PPP6R1: variants seen among roughly 807,000 people sequenced by gnomAD.
The protein encoded by PPP6R1 is serine/threonine-protein phosphatase 6 regulatory subunit 1.
A neutral mutation model predicts 104.6 loss-of-function variants in PPP6R1; 39 were observed. The ratio of observed to expected loss-of-function variants is 0.37; its 90% CI spans 0.29 to 0.49. The LOEUF (loss-of-function observed/expected upper bound fraction) is 0.49. PPP6R1 is among the 20% of genes least tolerant of loss of function. The pLI is 0.98. For synonymous variants in PPP6R1, 549 were observed against 479.0 expected (o/e 1.15, Z -1.91); for missense variants, 1,181 against 1,155.8 (o/e 1.02, Z -0.32).
At chr19:55,247,151 G>C (rs1489299812) in intron 1 of PPP6R1, 42 bp from the exon 2 acceptor site, 1 of 1,586,572 alleles carries the variant, frequency 6.3e-7, no homozygotes. Flanking sequence ...AGACGCCCCA[G>C]GGAGTCCCCA....
rs536736138 is a variant in PPP6R1 at position 55,244,166 on chromosome 19, G to C, written c.618+954C>G. Among the ~76,000 whole-genome samples the C allele has an allele frequency of 5.8e-4, 89 of 152,284 alleles. No homozygotes were observed. In the East Asian group the frequency reaches 0.016, roughly 28 times the overall value. On this transcript the variant is annotated intron_variant, in intron 5 of 23. Coordinates refer to ENST00000412770, the MANE Select transcript of PPP6R1 (RefSeq NM_014931.4). The stretch of plus-strand genomic sequence containing the variant: ...AGTGTGGCCCTGGGCCATGCCTCAG[G>C]GTCCTCACAGGGACAGGCCCCAGCC...
chr19:55,248,513 A>G (rs2087528567), intron 1 of PPP6R1, among the ~76,000 whole-genome samples: 1 of 152,268 alleles, frequency 6.6e-6, no homozygotes. Flanking sequence ...AGCCGGCACA[A>G]GAGGCCAAGG....
In PPP6R1 at chr19:55,245,802, G is replaced by T; in HGVS notation, c.228-124C>A. On this transcript the variant is annotated intron_variant, in intron 2 of 23. Coordinates refer to ENST00000412770, the MANE Select transcript of PPP6R1 (RefSeq NM_014931.4). The surrounding 1 kb of genome is among the most constrained non-coding windows in gnomAD (Gnocchi z 6.4). ...TGGGAACTGCAGAGACCCCTGTCCAGGAAGGGGAAAGGGCAGAGGACAGGG... is the reference window on the plus strand; with the variant it reads ...TGGGAACTGCAGAGACCCCTGTCCATGAAGGGGAAAGGGCAGAGGACAGGG... 2.5e-6 allele frequency: 2 copies of T among 814,786 alleles called. No homozygotes were observed. The highest frequency in any genetic ancestry group is 1.9e-6 in the Non-Finnish European group (1 of 521,034). 50.5% of individuals were successfully genotyped at this position (814,786 alleles called of 1,614,324 possible).
At position 55,230,834 on chromosome 19, in the gene PPP6R1, G is replaced by A. The variant is rs201404311; in HGVS notation, c.2510C>T (p.Pro837Leu). ...CTTCTCCCCTTCTGTGGTCTGGGGG[G>A]GCTGGTGGGCCCCGGAGGCTGGGAC... ...TSVPASGAHQ[P>L]PQTTEGEKSP... The change falls in exon 22 of 24, where the codon CCC becomes CTC. Residue 837 changes from proline to leucine, a missense_variant. Physicochemically the swap from Pro to Leu is moderately conservative, Grantham distance 98. Around this residue, in one of 2 missense-constraint regions of PPP6R1, gnomAD observed 1,042 missense variants for 955.6 expected, o/e 1.09. Transcript: ENST00000412770. 80 of 1,606,888 alleles carry A rather than the reference G, an allele frequency of 5.0e-5. No individual in the cohort carries two copies. The highest frequency in any genetic ancestry group is 1.9e-4 in the Middle Eastern group (1 of 5,136).
At chr19:55,252,891 GA>G (rs879547678) in intron 1 of PPP6R1, among the ~76,000 whole-genome samples, 261 of 147,176 alleles carry the variant, frequency 1.8e-3, no homozygotes, top group African/African-American at 2.2e-3. Flanking sequence ...ACTGTTGGGG[GA>G]AAAAAAAAAA....
At position 55,231,457 on chromosome 19, in the gene PPP6R1, A is replaced by C; in HGVS notation, c.2412T>G (p.Leu804=). The change falls in exon 21 of 24, where the codon CTT becomes CTG. Residue 804 remains leucine (L), a synonymous_variant. Transcript: ENST00000412770. ...AACGGATCCCGTGGAAGGTGGCCTG[A>C]AGGTCCCCGATGCTAACCAAGGCCT... ...PCQALVSIGD[L]QATFHGIRSA... is the part of the protein sequence containing the mutation. 2 of 1,608,382 alleles carry C rather than the reference A, an allele frequency of 1.2e-6. No individual in the cohort carries two copies. The highest frequency in any genetic ancestry group is 1.7e-6 in the Non-Finnish European group (2 of 1,177,840).
intron 7 of PPP6R1, 146 bp downstream of exon 7, chr19:55,242,020 G>A (rs2087462863): frequency 2.7e-6 from 2 of 745,090 alleles, no homozygotes; most frequent in Admixed American, 2.6e-5. Flanking sequence ...GCCCCGTACT[G>A]TCCACTGTGC....
At chr19:55,252,858 C>T (rs752027323) in intron 1 of PPP6R1, among the ~76,000 whole-genome samples, 15 of 152,048 alleles carry the variant, frequency 9.9e-5, no homozygotes, top group Non-Finnish European at 1.8e-4. Context: ...AATGGATGAA[C>T]TGTACAGAAT....
chr19:55,242,624 G>A (rs1286440839), intron 5 of PPP6R1, 136 bp from the exon 6 acceptor site: 3 of 728,926 alleles, frequency 4.1e-6, no homozygotes, highest in Non-Finnish European at 4.8e-6. Flanking sequence ...TGTTACGAAG[G>A]AGGAGGGCAC....
At chr19:55,237,019 G>A (rs752021890) in intron 15 of PPP6R1, 49 bp from the exon 16 acceptor site, 30 of 1,525,778 alleles carry the variant, frequency 2.0e-5, no homozygotes, top group Non-Finnish European at 2.6e-5. Flanking sequence ...GGGGGTGGGG[G>A]CAGCACAGGA....
chr19:55,239,526 C>T, intron 14 of PPP6R1, 24 bp from the exon 15 acceptor site: 1 of 1,612,832 alleles, frequency 6.2e-7, no homozygotes, highest in Non-Finnish European at 8.5e-7. Context: ...GAGGTTAGGG[C>T]TGGAGGGAGT....
At position 55,230,792 on chromosome 19, in the gene PPP6R1, C is replaced by A; in HGVS notation, c.2552G>T (p.Gly851Val). The change falls in exon 22 of 24, where the codon GGG becomes GTG. Residue 851 changes from glycine to valine, a missense_variant. Physicochemically the swap from Gly to Val is moderately radical, Grantham distance 109. This residue lies in a region of PPP6R1 where 1,042 missense variants were observed against 955.6 expected (regional missense o/e 1.09). Coordinates refer to ENST00000412770, the MANE Select transcript of PPP6R1 (RefSeq NM_014931.4). ...TEGEKSPEPL[G>V]LPQSQSAQAL... ...TGCTCACCTCTGGCTTTGGGGAAGC[C>A]CCAAGGGCTCTGGGCTCTTCTCCCC... is the stretch of plus-strand genomic sequence containing the variant. The A allele has an allele frequency of 6.3e-7, 1 of 1,590,036 alleles. No individual in the cohort carries two copies. The highest frequency in any genetic ancestry group is 8.5e-7 in the Non-Finnish European group (1 of 1,174,082).
intron 5 of PPP6R1, among the ~76,000 whole-genome samples, chr19:55,243,225 C>T (rs1466247743): frequency 6.6e-6 from 1 of 151,644 alleles, no homozygotes; most frequent in Non-Finnish European, 1.5e-5. Flanking sequence ...CCAGCCTGGC[C>T]AACATGGTGA....
At chr19:55,240,548 CACACACACATGCATGCACTAACGG>C (rs894037156) in intron 10 of PPP6R1, among the ~76,000 whole-genome samples, 2 of 151,734 alleles carry the variant, frequency 1.3e-5, no homozygotes, top group East Asian at 3.9e-4. Flanking sequence ...CACACACACA[CACACACACATGCATGCACTAACGG>C]ACACACACAT....
chr19:55,252,081 G>A (rs1027335900), intron 1 of PPP6R1, among the ~76,000 whole-genome samples: 3 of 152,208 alleles, frequency 2.0e-5, no homozygotes, highest in Non-Finnish European at 4.4e-5. Flanking sequence ...CATAGAGACA[G>A]AAAAGAGCTT....
chr19:55,228,549 G>A (rs568400527), downstream of PPP6R1: 2 of 1,533,428 alleles, frequency 1.3e-6, no homozygotes, highest in East Asian at 2.4e-5. Context: ...TGTACAGGCT[G>A]GACCCATTCA....
Position 55,232,449 on chromosome 19 carries a change from G to A in PPP6R1, c.1989-238C>T, listed in dbSNP as rs377103055. 1.0e-4 allele frequency: 53 copies of A among 527,544 alleles called. 1 individual carries two copies. Among genetic ancestry groups the A allele is most frequent in the South Asian group, 6.2e-4 (19 of 30,626 alleles). 32.7% of individuals were successfully genotyped at this position (527,544 alleles called of 1,614,324 possible). The stretch of plus-strand genomic sequence containing the variant: ...GAATGCGGCCGTAAGGAGACCGTCC[G>A]TCGCCAGTCATCCGTGGAGGGCAGG... On this transcript the variant is annotated intron_variant, in intron 17 of 23. Coordinates refer to ENST00000412770, the MANE Select transcript of PPP6R1 (RefSeq NM_014931.4).
Position 55,230,053 on chromosome 19 carries a change from C to T in PPP6R1, c.*475G>A, listed in dbSNP as rs1446156157. ...ACCCCCACCCACGCTGGGCCGTCCC[C>T]CATGGTGGACCTGAGCTAAAAGGCC... is the stretch of plus-strand genomic sequence containing the variant. On this transcript the variant is annotated 3_prime_UTR_variant, in exon 24 of 24. Transcript: ENST00000412770. 1 of 158,494 alleles carries T rather than the reference C, an allele frequency of 6.3e-6. No homozygotes were observed. Among genetic ancestry groups the T allele is most frequent in the Non-Finnish European group, 1.4e-5 (1 of 71,910 alleles). 9.8% of individuals were successfully genotyped at this position (158,494 alleles called of 1,614,324 possible).
At chr19:55,246,838 G>A in intron 2 of PPP6R1, 39 bp downstream of exon 2, 1 of 1,487,426 alleles carries the variant, frequency 6.7e-7, no homozygotes, top group Non-Finnish European at 9.1e-7. Flanking sequence ...TATGTGTGAT[G>A]CTGATAGGGA....
Sources: allele counts gnomAD v4.1 joint callset (sites outside exome capture counted in the v4.1 genomes callset), GRCh38; gene constraint gnomAD v4.1.1; regional missense constraint gnomAD v4.1.1; non-coding constraint Gnocchi (gnomAD v3.1); transcripts MANE v1.5; gene names NCBI Gene and HGNC (gene_info 2026-07-23, HGNC 2026-07-21).